Variants in TPO observed in about 807,000 individuals in gnomAD.
TPO encodes the protein thyroid peroxidase, also known as thyroid microsomal antigen.
TPO carries 78 observed loss-of-function variants against 96.9 expected under a neutral mutation model. That is an observed-to-expected ratio of 0.81 (90% CI 0.67 to 0.97). The LOEUF (loss-of-function observed/expected upper bound fraction) is 0.97, where lower values mean the gene tolerates loss of function less well. TPO is among the 50% of genes least tolerant of loss of function. TPO has a pLI of 0.00. For missense variants in TPO, 1,252 were observed against 1,274.8 expected, an observed-to-expected ratio of 0.98 and a Z score of 0.27; for synonymous variants, 547 against 538.0, an observed-to-expected ratio of 1.02 and a Z score of -0.23.
chr2:1,489,996 C>G (rs112164565), intron 10 of TPO, among the ~76,000 whole-genome samples: 2,696 of 106,206 alleles, frequency 0.025, 125 homozygotes, highest in African/African-American at 0.079. Flanking sequence ...AGTCACGACA[C>G]AGCAGTGTAA....
At chr2:1,451,334 C>T (rs755978103) in intron 5 of TPO, among the ~76,000 whole-genome samples, 5 of 152,138 alleles carry the variant, frequency 3.3e-5, no homozygotes, top group Non-Finnish European at 7.3e-5. Context: ...ACATTTAATA[C>T]GAATGACTAA....
upstream of TPO, among the ~76,000 whole-genome samples, chr2:1,409,948 CGGTGGGGGGCAGGTGT>C (rs1558249999): frequency 7.1e-5 from 1 of 14,108 alleles, no homozygotes; most frequent in African/African-American, 3.4e-4. Context: ...GGGGCAGGTG[CGGTGGGGGGCAGGTGT>C]GGTGGGGGCT....
chr2:1,445,614 A>G (rs568359414), intron 5 of TPO, among the ~76,000 whole-genome samples: 57 of 142,522 alleles, frequency 4.0e-4, no homozygotes, highest in African/African-American at 1.5e-3. Flanking sequence ...TGCAGGAGGT[A>G]CCATGTTGGA....
chr2:1,498,895 G>C (rs28912984), intron 13 of TPO, among the ~76,000 whole-genome samples: 2 of 152,228 alleles, frequency 1.3e-5, no homozygotes, highest in East Asian at 3.9e-4. Context: ...CTTCACTCAC[G>C]ATTCCTGGTT....
chr2:1,406,800 G>A (rs923436984), intron 1 of TPO, among the ~76,000 whole-genome samples: 2 of 152,198 alleles, frequency 1.3e-5, no homozygotes, highest in Non-Finnish European at 2.9e-5. Flanking sequence ...TATGGGAGAG[G>A]CCAAGGGTTT....
At chr2:1,485,059 A>AGCCCCCCCCC (rs1671012652) in intron 9 of TPO, among the ~76,000 whole-genome samples, 1 of 147,864 alleles carries the variant, frequency 6.8e-6, no homozygotes, top group Non-Finnish European at 1.5e-5. Flanking sequence ...CCTCCCCCTG[A>AGCCCCCCCCC]CCCCCACCCC....
At chr2:1,381,603 T>G (rs1330557016) in intron 1 of TPO, among the ~76,000 whole-genome samples, 4 of 152,188 alleles carry the variant, frequency 2.6e-5, no homozygotes, top group African/African-American at 9.7e-5. Flanking sequence ...TCGGACAACT[T>G]ATTTGATAAA....
intron 7 of TPO, among the ~76,000 whole-genome samples, chr2:1,474,621 G>A (rs889638416): frequency 3.9e-5 from 6 of 152,120 alleles, no homozygotes; most frequent in Non-Finnish European, 5.9e-5. Context: ...ATTGTCCATT[G>A]GAGTTTTACA....
intron 8 of TPO, among the ~76,000 whole-genome samples, chr2:1,481,779 T>C (rs1670663254): frequency 6.6e-6 from 1 of 152,168 alleles, no homozygotes; most frequent in Non-Finnish European, 1.5e-5. Flanking sequence ...CAGGCCCCTT[T>C]ATCTGCAGGG....
intron 5 of TPO, among the ~76,000 whole-genome samples, chr2:1,437,354 C>G (rs1441514181): frequency 6.6e-6 from 1 of 152,080 alleles, no homozygotes; most frequent in East Asian, 1.9e-4. Flanking sequence ...TTGATGTTCA[C>G]CGATGCAGGC....
intron 8 of TPO, among the ~76,000 whole-genome samples, chr2:1,482,746 C>T (rs1035701439): frequency 2.6e-5 from 4 of 152,212 alleles, no homozygotes; most frequent in Non-Finnish European, 5.9e-5. Context: ...ACAATCATAG[C>T]TCACTGCAGC....
At chr2:1,396,414 G>A (rs1230133168) in intron 1 of TPO, among the ~76,000 whole-genome samples, 1 of 152,230 alleles carries the variant, frequency 6.6e-6, no homozygotes, top group Non-Finnish European at 1.5e-5. Flanking sequence ...ACGTCCCGCA[G>A]TTCACAGCAA....
At chr2:1,380,381 G>C (rs1012569426) in intron 1 of TPO, among the ~76,000 whole-genome samples, 2 of 137,048 alleles carry the variant, frequency 1.5e-5, no homozygotes, top group Non-Finnish European at 3.1e-5. Flanking sequence ...GCGACAGAGC[G>C]AGACTCTGTC....
chr2:1,523,048 A>C (rs1451490200), intron 15 of TPO, among the ~76,000 whole-genome samples: 71 of 28,084 alleles, frequency 2.5e-3, no homozygotes, highest in Middle Eastern at 0.024. Context: ...AAATCTCCCC[A>C]ACTGTGTGCA....
chr2:1,524,941 T>TC (rs202107926), intron 15 of TPO, among the ~76,000 whole-genome samples: 54 of 64,014 alleles, frequency 8.4e-4, no homozygotes, highest in African/African-American at 3.0e-3. Context: ...CCTCCTCAAA[T>TC]CCCGACTCTG....
intron 15 of TPO, among the ~76,000 whole-genome samples, chr2:1,535,190 A>G (rs1162372710): frequency 2.1e-5 from 1 of 47,034 alleles, no homozygotes; most frequent in Non-Finnish European, 3.9e-5. Flanking sequence ...AAATCCCGCC[A>G]CTTGTGCAAC....
chr2:1,497,853 C>A (rs1200188506), intron 13 of TPO, among the ~76,000 whole-genome samples: 2 of 152,046 alleles, frequency 1.3e-5, no homozygotes, highest in Non-Finnish European at 2.9e-5. Flanking sequence ...CAAGCAAAGT[C>A]CACAGTTTTC....
chr2:1,490,016 CGAGG>C (rs1671599404), intron 10 of TPO, among the ~76,000 whole-genome samples: 8 of 95,356 alleles, frequency 8.4e-5, no homozygotes, highest in South Asian at 4.2e-4. Context: ...AGAGCCGCCA[CGAGG>C]GTCCCACACA....
intron 7 of TPO, among the ~76,000 whole-genome samples, chr2:1,472,867 T>A (rs561793002): frequency 4.8e-5 from 7 of 144,922 alleles, no homozygotes; most frequent in South Asian, 4.3e-4. Context: ...GAGAGAGATA[T>A]TTCGTTGTTA....
Sources: gnomAD v4.1 joint callset for allele counts (sites outside exome capture counted in the v4.1 genomes callset) on GRCh38, gnomAD v4.1.1 for gene constraint, MANE v1.5 for transcripts, NCBI Gene and HGNC (gene_info 2026-07-23, HGNC 2026-07-21) for gene names.